DAP: variants seen among roughly 807,000 people sequenced by gnomAD.
The protein encoded by DAP is death associated protein, also known as death-associated protein 1.
In DAP, 8 loss-of-function variants were observed where a neutral mutation model predicts 13.8. The ratio of observed to expected loss-of-function variants is 0.58; its 90% CI spans 0.34 to 1.05. The LOEUF (loss-of-function observed/expected upper bound fraction) is 1.05, where lower values mean the gene tolerates loss of function less well. Among genes scored for constraint, DAP ranks in the 50% least tolerant of loss-of-function variants. DAP has a pLI of 0.03. For synonymous variants in DAP, 47 were observed against 47.5 expected (o/e 0.99, Z 0.04); for missense variants, 106 against 133.2 (o/e 0.80, Z 1.01).
intron 2 of DAP, among the ~76,000 whole-genome samples, chr5:10,688,048 T>C (rs1330075203): frequency 2.0e-5 from 3 of 151,998 alleles, no homozygotes; most frequent in Non-Finnish European, 4.4e-5. Flanking sequence ...CCAGAGTAGC[T>C]GGGATTACAG....
chr5:10,749,739 A>G (rs1579821823), intron 1 of DAP, among the ~76,000 whole-genome samples: 2 of 139,302 alleles, frequency 1.4e-5, no homozygotes, highest in East Asian at 2.0e-4. Flanking sequence ...ATCTGACCAC[A>G]CAACTTTTTT....
At chr5:10,728,492 T>G (rs1739348733) in intron 2 of DAP, among the ~76,000 whole-genome samples, 1 of 152,208 alleles carries the variant, frequency 6.6e-6, no homozygotes, top group Non-Finnish European at 1.5e-5. Flanking sequence ...TTTTCAGAGC[T>G]TCAGGGAAAT....
chr5:10,692,285 G>A (rs578229265), intron 2 of DAP, among the ~76,000 whole-genome samples: 2 of 152,292 alleles, frequency 1.3e-5, no homozygotes, highest in South Asian at 4.1e-4. Flanking sequence ...CATCATCGTG[G>A]TGCTCTGACA....
At chr5:10,724,390 A>C (rs971056370) in intron 2 of DAP, among the ~76,000 whole-genome samples, 2 of 152,228 alleles carry the variant, frequency 1.3e-5, no homozygotes, top group African/African-American at 4.8e-5. Context: ...ACAGATATTC[A>C]TATTTTTCCC....
At chr5:10,706,018 G>A (rs766339678) in intron 2 of DAP, among the ~76,000 whole-genome samples, 4 of 152,156 alleles carry the variant, frequency 2.6e-5, no homozygotes, top group Non-Finnish European at 5.9e-5. Context: ...CCGCCCTCTG[G>A]ACTGCAGAGA....
intron 2 of DAP, chr5:10,734,120 C>G (rs1192375548): frequency 6.6e-6 from 1 of 152,216 alleles, no homozygotes; most frequent in South Asian, 2.1e-4. Context: ...AGCCTCCGTT[C>G]CAAGAGGATG....
At chr5:10,724,007 CA>C (rs1269971732) in intron 2 of DAP, among the ~76,000 whole-genome samples, 1 of 152,138 alleles carries the variant, frequency 6.6e-6, no homozygotes, top group Non-Finnish European at 1.5e-5. Context: ...AAACATATAG[CA>C]AAAAAGTAAA....
At chr5:10,740,567 G>GA (rs1739729880) in intron 2 of DAP, among the ~76,000 whole-genome samples, 1 of 152,070 alleles carries the variant, frequency 6.6e-6, no homozygotes, top group African/African-American at 2.4e-5. Flanking sequence ...TACATACAGA[G>GA]AAAAATGACA....
chr5:10,729,699 C>T (rs1739387489), intron 2 of DAP, among the ~76,000 whole-genome samples: 1 of 152,184 alleles, frequency 6.6e-6, no homozygotes, highest in South Asian at 2.1e-4. Flanking sequence ...CTTGATCGTG[C>T]CTAGTTTGCA....
rs904754688 is a variant in DAP, at chr5:10,707,621, G to A, written c.153-24050C>T. 2.6e-5 allele frequency among the ~76,000 whole-genome samples: 4 copies of A among 152,100 alleles called. No individual in the cohort carries two copies. Among genetic ancestry groups the A allele is most frequent in the African/African-American group, 7.2e-5 (3 of 41,404 alleles). On this transcript the variant is annotated intron_variant, in intron 2 of 3. Transcript: ENST00000230895. This position sits in a 1 kb window ranked among gnomAD's most constrained non-coding sequence, Gnocchi z 4.0. ...TTTGTGAGCAGTGTGGTGCACAGGC[G>A]GCGTGATGTACAGGTGGTGTGATGC...
At chr5:10,758,710 G>A (rs1740261852) in intron 1 of DAP, among the ~76,000 whole-genome samples, 1 of 152,208 alleles carries the variant, frequency 6.6e-6, no homozygotes, top group South Asian at 2.1e-4. Flanking sequence ...CTGAGCCCCA[G>A]TGAAGCGTGA....
intron 2 of DAP, among the ~76,000 whole-genome samples, chr5:10,713,389 G>A (rs1738900457): frequency 6.6e-6 from 1 of 152,106 alleles, no homozygotes; most frequent in Non-Finnish European, 1.5e-5. Flanking sequence ...GGGCAGCAGA[G>A]GAGGAGATCA....
chr5:10,726,169 T>C (rs267973), intron 2 of DAP, among the ~76,000 whole-genome samples: 76,378 of 152,202 alleles, frequency 0.5, 21,557 homozygotes, highest in Non-Finnish European at 0.64. Context: ...ACAGTTGTCA[T>C]TTATACTCTC....
chr5:10,718,215 T>C (rs767839738), intron 2 of DAP, among the ~76,000 whole-genome samples: 7 of 152,126 alleles, frequency 4.6e-5, no homozygotes, highest in Admixed American at 1.3e-4. Flanking sequence ...AAAACATCAT[T>C]GTGGTCCTCA....
intron 2 of DAP, among the ~76,000 whole-genome samples, chr5:10,699,288 CCTA>C (rs1284776607): frequency 2.0e-5 from 3 of 152,234 alleles, no homozygotes; most frequent in African/African-American, 7.2e-5. Flanking sequence ...TGGAGCATCT[CCTA>C]CTTTTTCCTG....
intron 2 of DAP, among the ~76,000 whole-genome samples, chr5:10,731,325 G>C (rs768385160): frequency 1.3e-5 from 2 of 152,098 alleles, no homozygotes; most frequent in Non-Finnish European, 2.9e-5. Context: ...TGAGAGCCCT[G>C]CGGGTGGAGG....
At chr5:10,722,655 C>A (rs540297548) in intron 2 of DAP, among the ~76,000 whole-genome samples, 1 of 150,584 alleles carries the variant, frequency 6.6e-6, no homozygotes, top group Admixed American at 6.6e-5. Flanking sequence ...TATATGTTCA[C>A]GACTGCAAGT....
intron 2 of DAP, among the ~76,000 whole-genome samples, chr5:10,721,416 C>T (rs980730710): frequency 6.6e-6 from 1 of 151,984 alleles, no homozygotes; most frequent in Non-Finnish European, 1.5e-5. Flanking sequence ...TGCCTGGACA[C>T]TTTGGGCTCT....
At chr5:10,758,933 T>C (rs913339916) in intron 1 of DAP, among the ~76,000 whole-genome samples, 3 of 152,202 alleles carry the variant, frequency 2.0e-5, no homozygotes, top group East Asian at 1.9e-4. Flanking sequence ...AAAATCTCCA[T>C]ATGGGCACTT....
Sources: gnomAD v4.1 joint callset for allele counts (sites outside exome capture counted in the v4.1 genomes callset) on GRCh38, gnomAD v4.1.1 for gene constraint, Gnocchi (gnomAD v3.1) non-coding constraint, MANE v1.5 for transcripts, NCBI Gene and HGNC (gene_info 2026-07-23, HGNC 2026-07-21) for gene names.